Variants in TFDP2 observed in about 807,000 individuals in gnomAD.
The protein encoded by TFDP2 is transcription factor Dp-2, also known as transcription factor Dp-2 (E2F dimerization partner 2).
TFDP2 carries 17 observed loss-of-function variants against 59.3 expected under a neutral mutation model. That is an observed-to-expected ratio of 0.29 (90% CI 0.20 to 0.43). The LOEUF (loss-of-function observed/expected upper bound fraction) is 0.43. TFDP2 is among the 20% of genes least tolerant of loss of function. TFDP2 has a pLI of 1.00. For synonymous variants in TFDP2, 180 were observed against 194.7 expected (o/e 0.92, Z 0.63); for missense variants, 391 against 528.8 (o/e 0.74, Z 2.56).
chr3:142,080,561 T>C (rs2108580149), intron 3 of TFDP2, among the ~76,000 whole-genome samples: 1 of 152,236 alleles, frequency 6.6e-6, no homozygotes, highest in East Asian at 1.9e-4. Flanking sequence ...AGTGGCTGAA[T>C]GGATAAAAAA....
intron 6 of TFDP2, among the ~76,000 whole-genome samples, chr3:141,979,706 A>G (rs1475491806): frequency 2.0e-5 from 3 of 152,122 alleles, no homozygotes; most frequent in Non-Finnish European, 4.4e-5. Context: ...CTCCTGCCTC[A>G]GCCTCCCGAG....
chr3:142,117,416 A>G (rs1370304390), intron 1 of TFDP2, among the ~76,000 whole-genome samples: 1 of 151,708 alleles, frequency 6.6e-6, no homozygotes. Context: ...CTATAAGTCA[A>G]GCAGAAAAAA....
chr3:142,012,662 G>A (rs1201735089), intron 3 of TFDP2, among the ~76,000 whole-genome samples: 1 of 152,024 alleles, frequency 6.6e-6, no homozygotes, highest in Non-Finnish European at 1.5e-5. Flanking sequence ...ACATTTACCT[G>A]AAAAACTACA....
intron 6 of TFDP2, among the ~76,000 whole-genome samples, chr3:141,984,139 T>G (rs569968308): frequency 6.6e-6 from 1 of 152,278 alleles, no homozygotes; most frequent in East Asian, 1.9e-4. Flanking sequence ...TAAAAAGGAA[T>G]AAAATTCTGA....
chr3:142,041,877 C>T (rs1003021030), intron 3 of TFDP2, among the ~76,000 whole-genome samples: 3 of 152,036 alleles, frequency 2.0e-5, no homozygotes, highest in Non-Finnish European at 2.9e-5. Context: ...TTTTTGCATA[C>T]GGACTTTGAT....
intron 3 of TFDP2, among the ~76,000 whole-genome samples, chr3:142,065,128 T>A (rs1400047868): frequency 6.7e-6 from 1 of 148,592 alleles, no homozygotes; most frequent in Non-Finnish European, 1.5e-5. Context: ...ATTTGCAGAA[T>A]GGAATTCTGT....
rs77494924 is a variant in TFDP2 at position 141,993,897 on chromosome 3, C to T, written c.309-312G>A. ...CTGACTATAAAAACACCAGACAATC[C>T]TGCCACCTCCAATATAAAGCACAAA... On this transcript the variant is annotated intron_variant, in intron 5 of 12. Transcript: ENST00000489671. Among the ~76,000 whole-genome samples the T allele has an allele frequency of 1.3e-4, 20 of 152,366 alleles. 1 individual carries two copies. In the East Asian group the frequency reaches 3.9e-3, roughly 29 times the overall value.
At chr3:142,129,382 T>C (rs1487916664) in intron 1 of TFDP2, among the ~76,000 whole-genome samples, 1 of 150,814 alleles carries the variant, frequency 6.6e-6, no homozygotes, top group Non-Finnish European at 1.5e-5. Context: ...CAGCAAAACA[T>C]TACAAATAAA....
intron 3 of TFDP2, among the ~76,000 whole-genome samples, chr3:142,031,408 T>A (rs193161263): frequency 1.3e-5 from 2 of 152,314 alleles, no homozygotes; most frequent in Admixed American, 1.3e-4. Context: ...TTCTCCATGC[T>A]TGCCTTCCTT....
At chr3:142,088,327 TTCTTTTTTC>T (rs2108604457) in intron 3 of TFDP2, among the ~76,000 whole-genome samples, 1 of 152,150 alleles carries the variant, frequency 6.6e-6, no homozygotes, top group Non-Finnish European at 1.5e-5. Flanking sequence ...TCTTTTTTTT[TTCTTTTTTC>T]TCTTTTTTTT....
intron 3 of TFDP2, among the ~76,000 whole-genome samples, chr3:142,048,433 C>T (rs1947455882): frequency 6.7e-6 from 1 of 150,290 alleles, no homozygotes; most frequent in Admixed American, 6.6e-5. Context: ...AAAAAAAAAT[C>T]AAAAGAAGAG....
intron 1 of TFDP2, among the ~76,000 whole-genome samples, chr3:142,138,953 T>A (rs1374004732): frequency 6.6e-6 from 1 of 151,986 alleles, no homozygotes; most frequent in East Asian, 1.9e-4. Flanking sequence ...TGATCTAATA[T>A]TGACATTGGG....
At chr3:141,968,153 C>T (rs1237485474) in intron 9 of TFDP2, among the ~76,000 whole-genome samples, 1 of 146,140 alleles carries the variant, frequency 6.8e-6, no homozygotes, top group Non-Finnish European at 1.5e-5. Context: ...TGGTAGAATT[C>T]TACAGGCAGG....
At chr3:142,059,073 C>T (rs2059833421) in intron 3 of TFDP2, among the ~76,000 whole-genome samples, 1 of 152,124 alleles carries the variant, frequency 6.6e-6, no homozygotes. Context: ...AGGCAATGAA[C>T]AAAATTTATT....
chr3:142,021,785 A>C (rs1473011194), intron 3 of TFDP2, among the ~76,000 whole-genome samples: 2 of 152,212 alleles, frequency 1.3e-5, no homozygotes, highest in African/African-American at 2.4e-5. Context: ...TATCTGGAAT[A>C]TTATAATTGG....
chr3:142,074,510 C>T (rs960447083), intron 3 of TFDP2, among the ~76,000 whole-genome samples: 2 of 151,716 alleles, frequency 1.3e-5, no homozygotes, highest in South Asian at 2.1e-4. Context: ...GCTGGAAGTG[C>T]GAGACCAACC....
chr3:142,052,809 C>CT (rs959715001), intron 3 of TFDP2, among the ~76,000 whole-genome samples: 1 of 151,616 alleles, frequency 6.6e-6, no homozygotes, highest in Admixed American at 6.6e-5. Flanking sequence ...TTTCCCTTTT[C>CT]TTTTTTTTCT....
At chr3:142,086,060 G>C (rs763762394) in intron 3 of TFDP2, among the ~76,000 whole-genome samples, 13 of 151,944 alleles carry the variant, frequency 8.6e-5, no homozygotes, top group Non-Finnish European at 1.6e-4. Context: ...TTTTCACCTG[G>C]ATTTGGTGGT....
At chr3:142,094,573 G>A (rs2061103443) in intron 2 of TFDP2, among the ~76,000 whole-genome samples, 1 of 151,998 alleles carries the variant, frequency 6.6e-6, no homozygotes, top group African/African-American at 2.4e-5. Flanking sequence ...CCAAAGTGCT[G>A]GGATTACAGG....
Sources: gnomAD v4.1 joint callset for allele counts (sites outside exome capture counted in the v4.1 genomes callset) on GRCh38, gnomAD v4.1.1 for gene constraint, MANE v1.5 for transcripts, NCBI Gene and HGNC (gene_info 2026-07-23, HGNC 2026-07-21) for gene names.